Variants in TTLL5 observed in about 807,000 individuals in gnomAD.
The protein encoded by TTLL5 is tubulin polyglutamylase TTLL5.
A neutral mutation model predicts 168.4 loss-of-function variants in TTLL5; 132 were observed. That is an observed-to-expected ratio of 0.78 (90% CI 0.68 to 0.91). The LOEUF (loss-of-function observed/expected upper bound fraction) is 0.91. Ranked by LOEUF, TTLL5 falls within the 40% of genes least tolerant of loss-of-function variation. The pLI is 0.00. For missense variants in TTLL5, 1,545 were observed against 1,581.5 expected, an observed-to-expected ratio of 0.98 and a Z score of 0.39; for synonymous variants, 546 against 558.6, an observed-to-expected ratio of 0.98 and a Z score of 0.32.
chr14:75,683,885 T>C, intron 5 of TTLL5: 1 of 374,664 alleles, frequency 2.7e-6, no homozygotes, highest in Non-Finnish European at 5.1e-6. Flanking sequence ...GCAATTCTCC[T>C]GCCTCAGCCT....
chr14:75,862,903 C>T (rs1384307100), intron 28 of TTLL5, among the ~76,000 whole-genome samples: 2 of 152,156 alleles, frequency 1.3e-5, no homozygotes, highest in East Asian at 1.9e-4. Flanking sequence ...GCTGTGATTG[C>T]ACCACTGCAC....
chr14:75,857,415 A>AGATAGATAGATT (rs1566632980), intron 28 of TTLL5, among the ~76,000 whole-genome samples: 3 of 150,520 alleles, frequency 2.0e-5, no homozygotes, highest in Admixed American at 2.0e-4. Context: ...ATAGATAGAT[A>AGATAGATAGATT]GATTTTATTA....
chr14:75,691,270 C>A (rs556139992), intron 6 of TTLL5, among the ~76,000 whole-genome samples: 2 of 152,118 alleles, frequency 1.3e-5, no homozygotes, highest in East Asian at 3.9e-4. Context: ...AACTTACCCA[C>A]CCAGGCCAGG....
At chr14:75,809,399 C>T (rs1390272830) in intron 27 of TTLL5, among the ~76,000 whole-genome samples, 1 of 152,158 alleles carries the variant, frequency 6.6e-6, no homozygotes, top group Non-Finnish European at 1.5e-5. Flanking sequence ...GATAGCCCCA[C>T]ATTAGGCTGT....
intron 31 of TTLL5, among the ~76,000 whole-genome samples, chr14:75,929,515 G>C (rs1005386531): frequency 7.1e-6 from 1 of 141,126 alleles, no homozygotes. Context: ...ACAGTGGCAC[G>C]ATCTTGGCTC....
chr14:75,912,736 C>T (rs930031763), intron 31 of TTLL5, among the ~76,000 whole-genome samples: 5 of 152,134 alleles, frequency 3.3e-5, no homozygotes, highest in African/African-American at 9.7e-5. Flanking sequence ...ACTTTATATA[C>T]AAGACACCTA....
intron 26 of TTLL5, among the ~76,000 whole-genome samples, chr14:75,787,507 A>G (rs1194694802): frequency 6.6e-6 from 1 of 152,242 alleles, no homozygotes; most frequent in Non-Finnish European, 1.5e-5. Context: ...AATATGTAAC[A>G]CAAAAATGGA....
chr14:75,773,907 C>CATATAT (rs34160638), intron 21 of TTLL5, among the ~76,000 whole-genome samples: 498 of 28,630 alleles, frequency 0.017, 20 homozygotes, highest in Middle Eastern at 0.11. Flanking sequence ...AAAAAAAATA[C>CATATAT]ATATATATAT....
rs1019226623 is a variant in TTLL5, at chr14:75,699,119, A to G, written c.503-69A>G. The G allele has an allele frequency of 8.6e-6, 12 of 1,389,370 alleles. No homozygotes were observed. In the African/African-American group the frequency reaches 1.7e-4, roughly 20 times the overall value. 86.1% of individuals were successfully genotyped at this position (1,389,370 alleles called of 1,614,324 possible). On this transcript the variant is annotated intron_variant, in intron 6 of 31. Transcript: ENST00000298832. Reference sequence around the variant, plus strand: ...AGTAGATAACCCTTTTTGAAAGTTGATATAATAAACTCAAGTTCATTCTTT... The same window carrying G: ...AGTAGATAACCCTTTTTGAAAGTTGGTATAATAAACTCAAGTTCATTCTTT...
rs1279345942 is a variant in TTLL5, at chr14:75,924,965, A to AC, written c.3823+22748dup. Among the ~76,000 whole-genome samples, 294 of 127,652 alleles carry AC rather than the reference A, an allele frequency of 2.3e-3. 28 individuals are homozygous for AC. The highest frequency in any genetic ancestry group is 8.2e-3 in the African/African-American group (265 of 32,174). 83.7% of individuals were successfully genotyped at this position (127,652 alleles called of 152,430 possible). A position where few individuals can be genotyped will look rare whatever the true frequency, so the allele number is the denominator to read the frequency against. The stretch of plus-strand genomic sequence containing the variant: ...GGGCGGCTGGCCAGGCGGAGGGCCG[A>AC]CCCCCCCACCTCACTCCCGGACGGG... On this transcript the variant is annotated intron_variant, in intron 31 of 31. Coordinates refer to ENST00000298832, the MANE Select transcript of TTLL5 (RefSeq NM_015072.5).
At chr14:75,930,590 G>T (rs372871431) in intron 31 of TTLL5, 9 of 984,798 alleles carry the variant, frequency 9.1e-6, no homozygotes, top group Non-Finnish European at 1.1e-5. Context: ...ATCTACTGAC[G>T]TTTCTTGCAG....
intron 27 of TTLL5, among the ~76,000 whole-genome samples, chr14:75,807,753 CCT>C (rs1275653895): frequency 6.6e-6 from 1 of 152,146 alleles, no homozygotes; most frequent in Non-Finnish European, 1.5e-5. Flanking sequence ...AGGACTCAAA[CCT>C]CTCATTAGAC....
rs76733656 is a variant in TTLL5, at chr14:75,863,911, TAAAAAAAA to T, written c.3522+65_3522+72del. On this transcript the variant is annotated intron_variant, in intron 29 of 31. Coordinates refer to ENST00000298832, the MANE Select transcript of TTLL5 (RefSeq NM_015072.5). ...ATGTGTTATATCTTCCTGCTGTTGG[TAAAAAAAA>T]AAAAAAAAAAAAAAAGGTCAGTGAA... The T allele has an allele frequency of 5.1e-3, 509 of 99,960 alleles. 5 individuals are homozygous for T. Among genetic ancestry groups the T allele is most frequent in the Middle Eastern group, 0.025 (5 of 200 alleles). 6.2% of individuals were successfully genotyped at this position (99,960 alleles called of 1,614,324 possible).
chr14:75,828,098 A>G (rs993066267), intron 28 of TTLL5, among the ~76,000 whole-genome samples: 3 of 152,168 alleles, frequency 2.0e-5, no homozygotes, highest in African/African-American at 7.2e-5. Flanking sequence ...TGATGTGACT[A>G]TAATTTAAAA....
Position 75,815,078 on chromosome 14 carries a change from C to T in TTLL5, c.3172-4929C>T, listed in dbSNP as rs764706294. On this transcript the variant is annotated intron_variant, in intron 27 of 31. Coordinates refer to ENST00000298832, the MANE Select transcript of TTLL5 (RefSeq NM_015072.5). ...TCTGAGACCATCTCCAAGTCAGCCC[C>T]GAGTTGCTTGATTATGGGTTAGCAG... Among the ~76,000 whole-genome samples, 19 of 152,092 alleles carry T rather than the reference C, an allele frequency of 1.2e-4. 1 individual carries two copies. Among genetic ancestry groups the T allele is most frequent in the Admixed American group, 6.6e-5 (1 of 15,260 alleles).
At chr14:75,833,114 C>A (rs1231237414) in intron 28 of TTLL5, among the ~76,000 whole-genome samples, 31 of 152,206 alleles carry the variant, frequency 2.0e-4, no homozygotes, top group Admixed American at 2.0e-3. Flanking sequence ...CCCTTATCAG[C>A]ACCTCTCAGC....
chr14:75,906,909 TTCTC>T (rs1261882747), intron 31 of TTLL5, among the ~76,000 whole-genome samples: 4 of 152,220 alleles, frequency 2.6e-5, no homozygotes, highest in South Asian at 4.1e-4. Context: ...AGTAAGAACT[TTCTC>T]TACTATTACT....
chr14:75,747,498 A>G (rs1294862221), intron 17 of TTLL5, among the ~76,000 whole-genome samples: 2 of 149,192 alleles, frequency 1.3e-5, no homozygotes, highest in Non-Finnish European at 3.0e-5. Flanking sequence ...TATATTGTTG[A>G]GTGTTTGGAT....
chr14:75,680,239 C>CA (rs1007986437), intron 3 of TTLL5, among the ~76,000 whole-genome samples: 1 of 152,160 alleles, frequency 6.6e-6, no homozygotes, highest in Non-Finnish European at 1.5e-5. Context: ...ATAGTGGTCA[C>CA]AAGCACAAAC....
Sources: allele counts gnomAD v4.1 joint callset (sites outside exome capture counted in the v4.1 genomes callset), GRCh38; gene constraint gnomAD v4.1.1; transcripts MANE v1.5; gene names NCBI Gene and HGNC (gene_info 2026-07-23, HGNC 2026-07-21).